The following TBC1D4 variants were observed in gnomAD, a reference collection of about 807,000 sequenced individuals.
The protein encoded by TBC1D4 is TBC (Tre-2, BUB2, CDC16) domain-containing protein.
In TBC1D4, 121 loss-of-function variants were observed where a neutral mutation model predicts 142.5. The observed-to-expected ratio is 0.85, with a 90% confidence interval of 0.73 to 0.99. The LOEUF is 0.99. Among genes scored for constraint, TBC1D4 ranks in the 50% least tolerant of loss-of-function variants. The pLI, the probability that TBC1D4 is intolerant of heterozygous loss-of-function variation, is 0.00. For synonymous variants in TBC1D4, 630 were observed against 628.2 expected, an observed-to-expected ratio of 1.00 and a Z score of -0.04; for missense variants, 1,475 against 1,606.6, an observed-to-expected ratio of 0.92 and a Z score of 1.40.
chr13:75,461,482 A>G (rs1887963655), intron 1 of TBC1D4, among the ~76,000 whole-genome samples: 1 of 152,200 alleles, frequency 6.6e-6, no homozygotes, highest in Admixed American at 6.5e-5. Flanking sequence ...AAGTGCTATA[A>G]ACTTTCTAGC....
intron 1 of TBC1D4, among the ~76,000 whole-genome samples, chr13:75,432,950 A>T (rs2138166934): frequency 6.6e-6 from 1 of 152,164 alleles, no homozygotes; most frequent in South Asian, 2.1e-4. Flanking sequence ...AAAAAAAAAA[A>T]AAAAATCATG....
chr13:75,480,877 GCACACACACA>G (rs35548574), intron 1 of TBC1D4, among the ~76,000 whole-genome samples: 14 of 124,196 alleles, frequency 1.1e-4, no homozygotes, highest in South Asian at 6.5e-4. Flanking sequence ...GCACACGCAC[GCACACACACA>G]CACACACACA....
intron 1 of TBC1D4, among the ~76,000 whole-genome samples, chr13:75,385,006 A>T (rs1443879793): frequency 6.6e-6 from 1 of 152,244 alleles, no homozygotes; most frequent in Non-Finnish European, 1.5e-5. Flanking sequence ...CATAAGGCAC[A>T]TCAGCAGATA....
intron 1 of TBC1D4, among the ~76,000 whole-genome samples, chr13:75,444,611 T>C (rs574414329): frequency 1.1e-4 from 17 of 152,338 alleles, no homozygotes; most frequent in African/African-American, 4.1e-4. Context: ...TCTGGAATCC[T>C]GGATTTAAAA....
rs757586535 is a variant in TBC1D4 at position 75,306,304 on chromosome 13, C to G, written c.2752+9G>C. On this transcript the variant is annotated intron_variant, in intron 15 of 20. Coordinates refer to ENST00000377636, the MANE Select transcript of TBC1D4 (RefSeq NM_014832.5). Reference sequence around the variant, plus strand: ...AAAAAACAAAAATTACTGAGATTATCCCAAATACCTTCTTTAAGAAGAGTA... The same window carrying G: ...AAAAAACAAAAATTACTGAGATTATGCCAAATACCTTCTTTAAGAAGAGTA... The G allele has an allele frequency of 6.2e-7, 1 of 1,604,450 alleles. No homozygotes were observed. Among genetic ancestry groups the G allele is most frequent in the Admixed American group, 1.7e-5 (1 of 59,352 alleles).
At position 75,294,843 on chromosome 13, in the gene TBC1D4, G is replaced by A. The variant is rs758133740; in HGVS notation, c.3316+11C>T. On this transcript the variant is annotated intron_variant, in intron 18 of 20. Coordinates refer to ENST00000377636, the MANE Select transcript of TBC1D4 (RefSeq NM_014832.5). ...ATAATACTGTTCCATTTAATTACAG[G>A]TATCTCTTACCAAAAACTCTGGCTA... 1.2e-6 allele frequency: 2 copies of A among 1,612,950 alleles called. No homozygotes were observed. The highest frequency in any genetic ancestry group is 1.3e-5 in the African/African-American group (1 of 74,984).
intron 8 of TBC1D4, among the ~76,000 whole-genome samples, chr13:75,334,527 T>C (rs1241127324): frequency 6.6e-6 from 1 of 152,086 alleles, no homozygotes; most frequent in African/African-American, 2.4e-5. Flanking sequence ...TACCTCCAAG[T>C]TTTATTTTTG....
intron 1 of TBC1D4, among the ~76,000 whole-genome samples, chr13:75,392,996 T>A (rs1884571094): frequency 6.6e-6 from 1 of 152,086 alleles, no homozygotes; most frequent in African/African-American, 2.4e-5. Context: ...AATCCATCTC[T>A]ATTTTGCTAG....
At chr13:75,342,512 A>G (rs1424552685) in intron 5 of TBC1D4, among the ~76,000 whole-genome samples, 5 of 152,162 alleles carry the variant, frequency 3.3e-5, no homozygotes, top group African/African-American at 1.2e-4. Context: ...TATTTAGTGA[A>G]CTTTCAATGT....
At chr13:75,346,567 T>C (rs1336135900) in intron 5 of TBC1D4, among the ~76,000 whole-genome samples, 1 of 152,240 alleles carries the variant, frequency 6.6e-6, no homozygotes, top group African/African-American at 2.4e-5. Context: ...TTTGGGTTGG[T>C]TCCAAGTCTT....
intron 17 of TBC1D4, among the ~76,000 whole-genome samples, chr13:75,295,630 T>C (rs1875833585): frequency 6.6e-6 from 1 of 152,214 alleles, no homozygotes; most frequent in Non-Finnish European, 1.5e-5. Flanking sequence ...TTCTGAATAT[T>C]TCTAGAACTA....
Position 75,299,517 on chromosome 13 carries a change from G to A in TBC1D4, c.2969C>T (p.Ser990Leu), listed in dbSNP as rs1194194251. 6.2e-7 allele frequency: 1 copy of A among 1,614,156 alleles called. No homozygotes were observed. The highest frequency in any genetic ancestry group is 1.1e-5 in the South Asian group (1 of 91,072). Reference sequence around the variant, plus strand: ...ATAGGCTTTCAGGAGGTTAAACAGTGACAGCTGTCCTGGCCCAAGCTGTAC... The same window carrying A: ...ATAGGCTTTCAGGAGGTTAAACAGTAACAGCTGTCCTGGCCCAAGCTGTAC... ...FSVQLGPGQL[S>L]LFNLLKAYSL... Residue 990 changes from serine to leucine, a missense_variant, in exon 17 of 21, where the codon TCA (serine) becomes TTA (leucine). Coordinates refer to ENST00000377636, the MANE Select transcript of TBC1D4 (RefSeq NM_014832.5).
chr13:75,368,534 T>C (rs1223463478), intron 1 of TBC1D4, among the ~76,000 whole-genome samples: 1 of 152,220 alleles, frequency 6.6e-6, no homozygotes, highest in Non-Finnish European at 1.5e-5. Context: ...GGCCTCTAAG[T>C]TAGGCCAAAT....
chr13:75,341,608 A>G, intron 5 of TBC1D4, 21 bp from the exon 6 acceptor site: 1 of 1,590,044 alleles, frequency 6.3e-7, no homozygotes, highest in Non-Finnish European at 8.6e-7. Context: ...TGATGAGGGA[A>G]GGTATTAAAC....
intron 5 of TBC1D4, among the ~76,000 whole-genome samples, chr13:75,343,589 C>T (rs1880899984): frequency 6.6e-6 from 1 of 152,108 alleles, no homozygotes; most frequent in Non-Finnish European, 1.5e-5. Context: ...GCGATCTCGA[C>T]TCACCGCAAC....
In TBC1D4 at chr13:75,481,881, T is replaced by A; in HGVS notation, c.-114A>T. The A allele has an allele frequency of 7.4e-7, 1 of 1,349,266 alleles. No homozygotes were observed. The highest frequency in any genetic ancestry group is 9.5e-7 in the Non-Finnish European group (1 of 1,051,604). The allele number at this position is 1,349,266 out of a possible 1,614,324, so 83.6% of individuals were successfully genotyped here. A position where few individuals can be genotyped will look rare whatever the true frequency, so the allele number is the denominator to read the frequency against. On this transcript the variant is annotated 5_prime_UTR_variant, in exon 1 of 21. Transcript: ENST00000377636. ...AACTGCCGCACCGGGCTCCCGCGCC[T>A]GCCTGGGAGCGGCGCGACCCCGAAC... is the stretch of plus-strand genomic sequence containing the variant.
intron 1 of TBC1D4, among the ~76,000 whole-genome samples, chr13:75,363,102 A>T (rs935247730): frequency 2.0e-5 from 3 of 152,176 alleles, no homozygotes; most frequent in African/African-American, 4.8e-5. Context: ...TGGCTAAGAT[A>T]AAAAGAAGAC....
At chr13:75,410,065 C>G (rs753032450) in intron 1 of TBC1D4, among the ~76,000 whole-genome samples, 2 of 152,276 alleles carry the variant, frequency 1.3e-5, no homozygotes, top group South Asian at 2.1e-4. Context: ...CTTGTATAAA[C>G]AAAATAACAG....
At chr13:75,348,066 G>A (rs1881297121) in intron 5 of TBC1D4, among the ~76,000 whole-genome samples, 1 of 152,142 alleles carries the variant, frequency 6.6e-6, no homozygotes, top group African/African-American at 2.4e-5. Context: ...GCTTGAAGCT[G>A]GTAGGTAGAG....
Sources: allele counts gnomAD v4.1 joint callset (sites outside exome capture counted in the v4.1 genomes callset), GRCh38; gene constraint gnomAD v4.1.1; transcripts MANE v1.5; gene names NCBI Gene and HGNC (gene_info 2026-07-23, HGNC 2026-07-21).